The following KCNIP4 variants were observed in gnomAD, a reference collection of about 807,000 sequenced individuals.
KCNIP4 encodes the protein Kv channel-interacting protein 4.
A neutral mutation model predicts 34.0 loss-of-function variants in KCNIP4; 12 were observed. The observed-to-expected ratio is 0.35, with a 90% CI of 0.23 to 0.57. KCNIP4 has a LOEUF of 0.57. Among genes scored for constraint, KCNIP4 ranks in the 20% least tolerant of loss-of-function variants. The pLI is 0.83. For missense variants in KCNIP4, 238 were observed against 311.7 expected (o/e 0.76, Z 1.78); for synonymous variants, 124 against 102.2 (o/e 1.21, Z -1.29).
chr4:21,351,823 T>A (rs1181478692), intron 1 of KCNIP4, among the ~76,000 whole-genome samples: 1 of 152,154 alleles, frequency 6.6e-6, no homozygotes, highest in African/African-American at 2.4e-5. Context: ...TGCAGACACC[T>A]AAATTTTGGA....
chr4:21,516,288 C>T (rs139087668), intron 1 of KCNIP4, among the ~76,000 whole-genome samples: 126 of 152,260 alleles, frequency 8.3e-4, no homozygotes, highest in African/African-American at 3.0e-3. Flanking sequence ...CTTCATATAG[C>T]CCAAAGTTGA....
intron 1 of KCNIP4, among the ~76,000 whole-genome samples, chr4:21,241,712 T>C (rs898365885): frequency 1.3e-5 from 2 of 152,192 alleles, no homozygotes; most frequent in Admixed American, 6.5e-5. Context: ...TTTTTAGTTT[T>C]CTTTTGTTTA....
intron 3 of KCNIP4, among the ~76,000 whole-genome samples, chr4:20,774,397 T>G (rs1756189647): frequency 6.6e-6 from 1 of 152,216 alleles, no homozygotes; most frequent in Admixed American, 6.5e-5. Flanking sequence ...CTCATATCAC[T>G]TACTAGCCTG....
Position 21,499,330 on chromosome 4 carries a change from C to CAAAAAAAAAAAAAAAAA in KCNIP4, c.61+449240_61+449241insTTTTTTTTTTTTTTTTT, listed in dbSNP as rs527385773. ...TGGGTGACAGAGTAAGACTCCATCT[C>CAAAAAAAAAAAAAAAAA]AAAAAAAAAAAAAAAACAACTACAT... On this transcript the variant is annotated intron_variant, in intron 1 of 8. Transcript: ENST00000382152. Among the ~76,000 whole-genome samples the CAAAAAAAAAAAAAAAAA allele has an allele frequency of 4.8e-4, 47 of 98,216 alleles. 1 individual carries two copies. The highest frequency in any genetic ancestry group is 1.8e-3 in the African/African-American group (45 of 24,950). The allele number at this position is 98,216 out of a possible 152,430, so 64.4% of individuals were successfully genotyped here. A position where few individuals can be genotyped will look rare whatever the true frequency, so the allele number is the denominator to read the frequency against.
At chr4:21,147,939 C>CAAAAAAAAAAAAAAAAA (rs377562727) in intron 1 of KCNIP4, among the ~76,000 whole-genome samples, 35 of 30,998 alleles carry the variant, frequency 1.1e-3, no homozygotes, top group Non-Finnish European at 1.9e-3. Flanking sequence ...AACTCCGTCT[C>CAAAAAAAAAAAAAAAAA]AAAAAAAAAA....
intron 1 of KCNIP4, among the ~76,000 whole-genome samples, chr4:21,559,482 G>C (rs1301802651): frequency 6.6e-6 from 1 of 152,050 alleles, no homozygotes; most frequent in Non-Finnish European, 1.5e-5. Flanking sequence ...ACCCATTCAA[G>C]GACTAATTGA....
intron 1 of KCNIP4, among the ~76,000 whole-genome samples, chr4:21,331,519 G>A (rs1286332850): frequency 6.6e-6 from 1 of 151,958 alleles, no homozygotes; most frequent in African/African-American, 2.4e-5. Context: ...CAGAAGCTGG[G>A]GCCCAGTAAA....
intron 1 of KCNIP4, among the ~76,000 whole-genome samples, chr4:21,937,883 T>C (rs766246739): frequency 1.3e-5 from 2 of 152,094 alleles, no homozygotes; most frequent in Non-Finnish European, 2.9e-5. Flanking sequence ...TTTTGTCCAT[T>C]GACTACGTCA....
chr4:21,304,045 G>GAGAGAC (rs1712081450), intron 1 of KCNIP4: 1 of 569,622 alleles, frequency 1.8e-6, no homozygotes, highest in Non-Finnish European at 2.3e-6. Flanking sequence ...GAGAGAGAGA[G>GAGAGAC]AGAGAGAGAG....
rs1715973563 is a variant in KCNIP4, at chr4:21,334,513, TTTGAGG to T, written c.62-451810_62-451805del. Among the ~76,000 whole-genome samples the T allele has an allele frequency of 2.0e-5, 3 of 152,190 alleles. No individual in the cohort carries two copies. The South Asian group carries it at 6.2e-4, about 32-fold the overall frequency. On this transcript the variant is annotated intron_variant, in intron 1 of 8. Coordinates refer to ENST00000382152, the MANE Select transcript of KCNIP4 (RefSeq NM_025221.6). ...CTTACCATTTTTTAAAATAGCTTTT[TTTGAGG>T]TACAATTTGCACATCATAAAATTTA...
At chr4:20,773,047 G>GAAAAAAA (rs34903951) in intron 3 of KCNIP4, among the ~76,000 whole-genome samples, 1 of 147,154 alleles carries the variant, frequency 6.8e-6, no homozygotes, top group East Asian at 2.0e-4. Context: ...TGAAGTTAAA[G>GAAAAAAA]AAAAAAAAAA....
At chr4:20,779,562 C>G (rs975773652) in intron 3 of KCNIP4, among the ~76,000 whole-genome samples, 1 of 122,270 alleles carries the variant, frequency 8.2e-6, no homozygotes, top group Non-Finnish European at 1.8e-5. Context: ...CTTACAAGTC[C>G]CCCCTGCCCC....
chr4:21,057,551 T>G (rs765566618), intron 1 of KCNIP4, among the ~76,000 whole-genome samples: 6 of 152,198 alleles, frequency 3.9e-5, no homozygotes, highest in Non-Finnish European at 8.8e-5. Flanking sequence ...TAAAAAGCAT[T>G]AACCATTGTT....
At chr4:20,878,872 A>G (rs964279569) in intron 2 of KCNIP4, among the ~76,000 whole-genome samples, 2 of 152,128 alleles carry the variant, frequency 1.3e-5, no homozygotes, top group Non-Finnish European at 2.9e-5. Flanking sequence ...AGCTGTAGCA[A>G]AAGAGACAAA....
chr4:20,741,876 G>T (rs1338674814), intron 5 of KCNIP4, among the ~76,000 whole-genome samples: 1 of 152,142 alleles, frequency 6.6e-6, no homozygotes, highest in South Asian at 2.1e-4. Context: ...AATAAAAAAT[G>T]ATAAAGGGGA....
At chr4:20,881,173 T>G (rs551735612) in intron 2 of KCNIP4, among the ~76,000 whole-genome samples, 1 of 151,208 alleles carries the variant, frequency 6.6e-6, no homozygotes, top group East Asian at 1.9e-4. Context: ...TAATTAAATC[T>G]TATTATGATG....
In KCNIP4 at chr4:21,493,072, G is replaced by A. The variant is rs114823089; in HGVS notation, c.61+455499C>T. Among the ~76,000 whole-genome samples, 734 of 152,172 alleles carry A rather than the reference G, an allele frequency of 4.8e-3. 8 individuals are homozygous for A. The highest frequency in any genetic ancestry group is 0.017 in the African/African-American group (696 of 41,516). ...ATGTGGCACACCTTATAGCTTTCTC[G>A]TCTTTGGATTTCCCTTTAGGTCAGG... On this transcript the variant is annotated intron_variant, in intron 1 of 8. Transcript: ENST00000382152.
intron 1 of KCNIP4, among the ~76,000 whole-genome samples, chr4:21,074,739 AT>A (rs2109006684): frequency 6.6e-6 from 1 of 151,910 alleles, no homozygotes; most frequent in Non-Finnish European, 1.5e-5. Flanking sequence ...TAGGGTGTCA[AT>A]TTTGGATCTT....
intron 1 of KCNIP4, among the ~76,000 whole-genome samples, chr4:21,374,492 A>C (rs1577256602): frequency 6.8e-6 from 1 of 147,172 alleles, no homozygotes; most frequent in Non-Finnish European, 1.5e-5. Flanking sequence ...CCCACAATAC[A>C]TGGGAATTAT....
Sources: gnomAD v4.1 joint callset for allele counts (sites outside exome capture counted in the v4.1 genomes callset) on GRCh38, gnomAD v4.1.1 for gene constraint, MANE v1.5 for transcripts, NCBI Gene and HGNC (gene_info 2026-07-23, HGNC 2026-07-21) for gene names.